The following BMPR1A variants were observed in gnomAD, a reference collection of about 807,000 sequenced individuals.
BMPR1A encodes bone morphogenetic protein receptor type-1A.
A neutral mutation model predicts 66.0 loss-of-function variants in BMPR1A; 7 were observed. The ratio of observed to expected loss-of-function variants is 0.11; its 90% CI spans 0.06 to 0.20. The LOEUF is 0.20. BMPR1A is among the 10% of genes least tolerant of loss of function. The pLI is 1.00. For synonymous variants in BMPR1A, 200 were observed against 229.7 expected (o/e 0.87, Z 1.17); for missense variants, 408 against 669.1 (o/e 0.61, Z 4.31).
chr10:86,775,259 C>T (rs1841327715), intron 1 of BMPR1A, among the ~76,000 whole-genome samples: 1 of 152,198 alleles, frequency 6.6e-6, no homozygotes, highest in Admixed American at 6.5e-5. Flanking sequence ...TGTACACCAG[C>T]AATAGCCGTG....
At chr10:86,782,859 G>A (rs977399863) in intron 1 of BMPR1A, among the ~76,000 whole-genome samples, 1 of 151,986 alleles carries the variant, frequency 6.6e-6, no homozygotes, top group African/African-American at 2.4e-5. Flanking sequence ...TTGCCTTGCT[G>A]CACAGAAGTT....
Position 86,767,064 on chromosome 10 carries a change from C to T in BMPR1A, c.-268+10145C>T, listed in dbSNP as rs147037557. 0.011 allele frequency among the ~76,000 whole-genome samples: 1,736 copies of T among 152,222 alleles called. 29 individuals carry two copies. The highest frequency in any genetic ancestry group is 0.083 in the South Asian group (397 of 4,810). ...GTCTTGATCTCGTGACCTCGTGATC[C>T]GCCCGCCTTGGCCTCCCAAAGTGCT... On this transcript the variant is annotated intron_variant, in intron 1 of 12. Coordinates refer to ENST00000372037, the MANE Select transcript of BMPR1A (RefSeq NM_004329.3).
intron 2 of BMPR1A, chr10:86,855,684 C>A: frequency 4.2e-6 from 3 of 716,050 alleles, no homozygotes; most frequent in South Asian, 3.4e-5. Context: ...CCTAACTGCT[C>A]AGTGACATCC....
In BMPR1A at chr10:86,788,954, A is replaced by C. The variant is rs114596259; in HGVS notation, c.-268+32035A>C. Among the ~76,000 whole-genome samples the C allele has an allele frequency of 4.4e-3, 675 of 152,240 alleles. 9 individuals are homozygous for C. The highest frequency in any genetic ancestry group is 0.015 in the African/African-American group (637 of 41,542). ...CATGGCTTTTTCCATTATTAAAAAA[A>C]ATGGCATAACTCTTCCTCTGACCCT... On this transcript the variant is annotated intron_variant, in intron 1 of 12. Coordinates refer to ENST00000372037, the MANE Select transcript of BMPR1A (RefSeq NM_004329.3).
rs183183574 is a variant in BMPR1A, at chr10:86,786,547, A to T, written c.-268+29628A>T. On this transcript the variant is annotated intron_variant, in intron 1 of 12. Transcript: ENST00000372037. ...TTGTTCACTTGGCTTCCAGGATAGCATACAAAGAAATTCCCCATCTCAGTC... is the reference window on the plus strand; with the variant it reads ...TTGTTCACTTGGCTTCCAGGATAGCTTACAAAGAAATTCCCCATCTCAGTC... Among the ~76,000 whole-genome samples the T allele has an allele frequency of 3.2e-4, 49 of 152,344 alleles. 1 individual carries two copies. Among genetic ancestry groups the T allele is most frequent in the Admixed American group, 3.0e-3 (46 of 15,310 alleles).
intron 5 of BMPR1A, 113 bp from the exon 6 acceptor site, chr10:86,899,681 T>C (rs1425756161): frequency 6.6e-6 from 7 of 1,055,776 alleles, no homozygotes; most frequent in Non-Finnish European, 9.8e-6. Context: ...ACATATAAAA[T>C]TTGCAGGCCC....
chr10:86,778,120 A>G (rs540296697), intron 1 of BMPR1A, among the ~76,000 whole-genome samples: 2 of 152,124 alleles, frequency 1.3e-5, no homozygotes, highest in East Asian at 3.9e-4. Flanking sequence ...CATATAATGC[A>G]TGACAGGCTT....
rs2133590573 is a variant in BMPR1A, at chr10:86,919,260, C to A, written c.957C>A (p.Asp319Glu). Residue 319 changes from aspartate (D) to glutamate (E), a missense_variant, in exon 10 of 13, where the codon GAC becomes GAA. Coordinates refer to ENST00000372037, the MANE Select transcript of BMPR1A (RefSeq NM_004329.3). ...ACCATGAAAATGGATCTCTCTATGA[C>A]TTCCTGAAATGTGCTACACTGGACA... The part of the protein sequence containing the change: ...TDYHENGSLY[D>E]FLKCATLDTR... The A allele has an allele frequency of 6.2e-7, 1 of 1,613,952 alleles. No homozygotes were observed.
intron 1 of BMPR1A, among the ~76,000 whole-genome samples, chr10:86,811,576 A>G (rs949351928): frequency 6.6e-6 from 1 of 152,040 alleles, no homozygotes; most frequent in Non-Finnish European, 1.5e-5. Context: ...CTGTCTCTGT[A>G]TTTCCTGCAA....
In BMPR1A at chr10:86,790,175, AAAAAAAAAAAAAAATATATATAT is replaced by A. The variant is rs1841582787; in HGVS notation, c.-268+33258_-268+33280del. On this transcript the variant is annotated intron_variant, in intron 1 of 12. Transcript: ENST00000372037. ...AGACTCTGTCTCCAAAAAAAAAAAA[AAAAAAAAAAAAAAATATATATAT>A]ATATATATATATATATATATATATA... Among the ~76,000 whole-genome samples, 7 of 41,126 alleles carry A rather than the reference AAAAAAAAAAAAAAATATATATAT, an allele frequency of 1.7e-4. 1 individual carries two copies. Among genetic ancestry groups the A allele is most frequent in the Admixed American group, 3.9e-4 (1 of 2,550 alleles). The allele number at this position is 41,126 out of a possible 152,430, so 27.0% of individuals were successfully genotyped here. A position where few individuals can be genotyped will look rare whatever the true frequency, so the allele number is the denominator to read the frequency against.
At chr10:86,889,235 A>G (rs1236412943) in intron 3 of BMPR1A, among the ~76,000 whole-genome samples, 1 of 152,188 alleles carries the variant, frequency 6.6e-6, no homozygotes, top group Non-Finnish European at 1.5e-5. Context: ...ACATAGTTCT[A>G]TTTCTGTGAG....
At chr10:86,899,673 A>G (rs1843277373) in intron 5 of BMPR1A, 121 bp from the exon 6 acceptor site, 3 of 970,712 alleles carry the variant, frequency 3.1e-6, no homozygotes, top group Non-Finnish European at 3.1e-6. Context: ...CTGTTTTTAC[A>G]TATAAAATTT....
chr10:86,916,496 G>C (rs1843569388), intron 8 of BMPR1A, among the ~76,000 whole-genome samples: 1 of 152,186 alleles, frequency 6.6e-6, no homozygotes, highest in Non-Finnish European at 1.5e-5. Flanking sequence ...ACATTTGTCA[G>C]GTCTTTGCTT....
chr10:86,791,421 CCAGGCTGGTCT>C (rs1841617114), intron 1 of BMPR1A, among the ~76,000 whole-genome samples: 1 of 151,942 alleles, frequency 6.6e-6, no homozygotes, highest in African/African-American at 2.4e-5. Context: ...ACCATGTTGG[CCAGGCTGGTCT>C]CAATCTCCTC....
intron 1 of BMPR1A, among the ~76,000 whole-genome samples, chr10:86,766,754 C>CG (rs1315543851): frequency 6.6e-6 from 1 of 151,806 alleles, no homozygotes; most frequent in Non-Finnish European, 1.5e-5. Context: ...TACAGGCGCC[C>CG]GCCATCACAC....
At chr10:86,794,852 A>G (rs1399957908) in intron 1 of BMPR1A, among the ~76,000 whole-genome samples, 1 of 149,782 alleles carries the variant, frequency 6.7e-6, no homozygotes, top group East Asian at 1.9e-4. Flanking sequence ...AGATATAGAT[A>G]TAGTTTTTTT....
At chr10:86,889,961 T>C (rs980850994) in intron 3 of BMPR1A, 101 bp from the exon 4 acceptor site, 4 of 1,246,750 alleles carry the variant, frequency 3.2e-6, no homozygotes, top group Admixed American at 1.8e-5. Context: ...GCTACAATTA[T>C]TGTGATAAGA....
intron 1 of BMPR1A, among the ~76,000 whole-genome samples, chr10:86,795,545 G>T (rs1340250547): frequency 6.6e-6 from 1 of 152,062 alleles, no homozygotes; most frequent in Non-Finnish European, 1.5e-5. Context: ...AAGAGATCAG[G>T]TTACACATTC....
chr10:86,907,990 T>G (rs898441908), intron 7 of BMPR1A, among the ~76,000 whole-genome samples: 3 of 152,112 alleles, frequency 2.0e-5, no homozygotes, highest in Non-Finnish European at 4.4e-5. Flanking sequence ...ATTGTAATAT[T>G]CCCAACACAA....
Sources: gnomAD v4.1 joint callset for allele counts (sites outside exome capture counted in the v4.1 genomes callset) on GRCh38, gnomAD v4.1.1 for gene constraint, MANE v1.5 for transcripts, NCBI Gene and HGNC (gene_info 2026-07-23, HGNC 2026-07-21) for gene names.